Variants in RFPL1 observed in about 807,000 individuals in gnomAD.
RFPL1 encodes ret finger protein-like 1.
RFPL1 carries 6 observed loss-of-function variants against 9.6 expected under a neutral mutation model. That is an observed-to-expected ratio of 0.62 (90% CI 0.34 to 1.23). RFPL1 has a LOEUF of 1.23. Among genes scored for constraint, RFPL1 ranks in the 50% most tolerant of loss-of-function variants. RFPL1 has a pLI of 0.03. For missense variants in RFPL1, 352 were observed against 398.4 expected, an observed-to-expected ratio of 0.88 and a Z score of 0.99; for synonymous variants, 145 against 149.4, an observed-to-expected ratio of 0.97 and a Z score of 0.22.
chr22:29,388,018 T>G, the RFPL1 span, among the ~76,000 whole-genome samples: 1 of 152,190 alleles, frequency 6.6e-6, no homozygotes, highest in Admixed American at 6.5e-5. Context: ...TTTTCTAGTT[T>G]TTTTTTCTTT....
At chr22:29,437,805 G>C, upstream of RFPL1, 1 of 1,415,554 alleles carries the variant, frequency 7.1e-7, no homozygotes, top group Non-Finnish European at 9.5e-7. Flanking sequence ...GGGGATGAAT[G>C]AGAGAAATTC....
the RFPL1 span, among the ~76,000 whole-genome samples, chr22:29,425,249 A>T: frequency 2.6e-5 from 4 of 152,072 alleles, no homozygotes; most frequent in Non-Finnish European, 4.4e-5. Flanking sequence ...AAAAAATAAA[A>T]TAGGCATTTG....
chr22:29,412,223 C>A, the RFPL1 span, among the ~76,000 whole-genome samples: 3 of 152,178 alleles, frequency 2.0e-5, no homozygotes, highest in Non-Finnish European at 4.4e-5. Context: ...AGAGAGGTCC[C>A]AGACCTGATC....
chr22:29,426,514 G>T, the RFPL1 span, among the ~76,000 whole-genome samples: 3 of 152,128 alleles, frequency 2.0e-5, no homozygotes, highest in African/African-American at 7.2e-5. Flanking sequence ...TACTTTGGGA[G>T]GCCGAGGTGG....
chr22:29,428,463 ATAAAG>A, the RFPL1 span, among the ~76,000 whole-genome samples: 2 of 152,228 alleles, frequency 1.3e-5, no homozygotes, highest in Non-Finnish European at 2.9e-5. Flanking sequence ...GTAAAATAAA[ATAAAG>A]TAATGTAAAA....
the RFPL1 span, among the ~76,000 whole-genome samples, chr22:29,403,167 C>T: frequency 1.3e-5 from 2 of 152,256 alleles, no homozygotes; most frequent in African/African-American, 4.8e-5. Flanking sequence ...ATAGAGAGAT[C>T]CCATCTTATT....
chr22:29,428,817 A>T, the RFPL1 span, among the ~76,000 whole-genome samples: 1 of 152,208 alleles, frequency 6.6e-6, no homozygotes, highest in Non-Finnish European at 1.5e-5. Context: ...ATAATATACC[A>T]AAATCTATGG....
At chr22:29,419,014 G>A in the RFPL1 span, 7 of 676,488 alleles carry the variant, frequency 1.0e-5, no homozygotes, top group African/African-American at 1.8e-5. Flanking sequence ...CTTCTATTGG[G>A]AAGAAAGTTT....
At chr22:29,438,562 G>A (rs932044395), upstream of RFPL1, 17 of 1,374,770 alleles carry the variant, frequency 1.2e-5, no homozygotes, top group African/African-American at 1.0e-4. Context: ...ACCCCAGCTC[G>A]CTGTTCCTCA....
chr22:29,394,336 T>TTTTTG, the RFPL1 span, among the ~76,000 whole-genome samples: 36,637 of 149,398 alleles, frequency 0.25, 5,271 homozygotes, highest in African/African-American at 0.38. Context: ...TTTGTTGTTG[T>TTTTTG]TTTTGTTTTG....
chr22:29,442,307 C>G (rs761004478), exon 2 of RFPL1: 1 of 441,244 alleles, frequency 2.3e-6, no homozygotes. Flanking sequence ...TTATTGCCAC[C>G]ATCCAACTCA....
the RFPL1 span, among the ~76,000 whole-genome samples, chr22:29,396,524 G>A: frequency 6.6e-6 from 1 of 152,184 alleles, no homozygotes; most frequent in African/African-American, 2.4e-5. Context: ...ACTAACATAG[G>A]TTGGTTGTGC....
At chr22:29,414,337 C>T in the RFPL1 span, among the ~76,000 whole-genome samples, 1 of 152,202 alleles carries the variant, frequency 6.6e-6, no homozygotes, top group South Asian at 2.1e-4. Context: ...ATACATGTTA[C>T]ACTGTTAACT....
At chr22:29,387,987 G>C in the RFPL1 span, among the ~76,000 whole-genome samples, 5 of 152,206 alleles carry the variant, frequency 3.3e-5, no homozygotes, top group Non-Finnish European at 7.3e-5. Context: ...TGCCTAGCCG[G>C]AGGCGGGCGG....
At chr22:29,433,511 GAGA>G in the RFPL1 span, 4 of 176,146 alleles carry the variant, frequency 2.3e-5, no homozygotes, top group African/African-American at 4.7e-5. Flanking sequence ...AGCCCCAGCT[GAGA>G]AGAATTCTAT....
the RFPL1 span, among the ~76,000 whole-genome samples, chr22:29,408,696 G>A: frequency 5.3e-5 from 8 of 152,140 alleles, no homozygotes; most frequent in African/African-American, 1.4e-4. Context: ...TCTAGCGACC[G>A]GTCACTGGAG....
At chr22:29,442,190 C>G in exon 2 of RFPL1, 1 of 1,190,304 alleles carries the variant, frequency 8.4e-7, no homozygotes, top group African/African-American at 1.5e-5. Context: ...TAGGAACGCT[C>G]TACTCGGTAA....
At chr22:29,404,084 A>C in the RFPL1 span, among the ~76,000 whole-genome samples, 4 of 151,858 alleles carry the variant, frequency 2.6e-5, no homozygotes, top group Admixed American at 2.6e-4. Context: ...AGCTGTAAAC[A>C]AGGGTAAGAT....
At chr22:29,410,385 T>G in the RFPL1 span, among the ~76,000 whole-genome samples, 2,578 of 82,280 alleles carry the variant, frequency 0.031, 376 homozygotes, top group African/African-American at 0.14. Context: ...TATATATAGA[T>G]ATATATATTG....
Sources: gnomAD v4.1 joint callset for allele counts (sites outside exome capture counted in the v4.1 genomes callset) on GRCh38, gnomAD v4.1.1 for gene constraint, MANE v1.5 for transcripts, NCBI Gene and HGNC (gene_info 2026-07-23, HGNC 2026-07-21) for gene names.